Variants in BPIFB3 observed in about 807,000 individuals in gnomAD.
The protein encoded by BPIFB3 is BPI fold containing family B member 3.
Under a neutral mutation model 53.1 loss-of-function variants are expected in BPIFB3, and 49 were observed. The ratio of observed to expected loss-of-function variants is 0.92; its 90% CI spans 0.73 to 1.17. BPIFB3 has a LOEUF of 1.17. Ranked by LOEUF, BPIFB3 falls within the 50% of genes most tolerant of loss-of-function variation. BPIFB3 has a pLI of 0.00. For missense variants in BPIFB3, 628 were observed against 592.5 expected, an observed-to-expected ratio of 1.06 and a Z score of -0.62; for synonymous variants, 271 against 269.6, an observed-to-expected ratio of 1.01 and a Z score of -0.05.
chr20:33,065,316 T>C (rs1201968607), intron 8 of BPIFB3, among the ~76,000 whole-genome samples: 4 of 151,984 alleles, frequency 2.6e-5, no homozygotes, highest in Non-Finnish European at 5.9e-5. Flanking sequence ...TGTGGGAGGA[T>C]CTCTTGAGCC....
intron 8 of BPIFB3, 26 bp downstream of exon 9, chr20:33,064,871 G>C: frequency 6.2e-7 from 1 of 1,603,288 alleles, no homozygotes; most frequent in East Asian, 2.2e-5. Flanking sequence ...GGGGGATGGG[G>C]ATGGGGGCTC....
downstream of BPIFB3, chr20:33,073,668 C>T: frequency 6.3e-7 from 1 of 1,577,530 alleles, no homozygotes; most frequent in Non-Finnish European, 8.7e-7. Context: ...TACTCTGCCT[C>T]AATTTCCCTC....
At chr20:33,065,578 A>T (rs373446080) in intron 8 of BPIFB3, among the ~76,000 whole-genome samples, 2 of 149,954 alleles carry the variant, frequency 1.3e-5, no homozygotes, top group African/African-American at 5.0e-5. Flanking sequence ...AAAGAGAGAG[A>T]AAAGAAGGAA....
exon 2 of BPIFB3, chr20:33,056,630 A>T: frequency 6.2e-7 from 1 of 1,613,556 alleles, no homozygotes; most frequent in Admixed American, 1.7e-5. Flanking sequence ...TGGGCTCAGG[A>T]GGGCTGCTTG....
At chr20:33,063,499 G>T (rs1036323824) in intron 5 of BPIFB3, 116 bp from the exon 7 acceptor site, 3 of 1,118,196 alleles carry the variant, frequency 2.7e-6, no homozygotes, top group East Asian at 2.5e-5. Flanking sequence ...TCTGCCTTCC[G>T]CCTTGCCTTG....
intron 5 of BPIFB3, among the ~76,000 whole-genome samples, chr20:33,062,338 G>A (rs1011162639): frequency 5.3e-5 from 8 of 152,154 alleles, no homozygotes; most frequent in Non-Finnish European, 7.3e-5. Flanking sequence ...CCATATCACC[G>A]AGGAAGAGGG....
At chr20:33,066,789 G>A in intron 8 of BPIFB3, 35 bp from the exon 10 acceptor site, 1 of 1,604,928 alleles carries the variant, frequency 6.2e-7, no homozygotes, top group Non-Finnish European at 8.5e-7. Flanking sequence ...TTCTGTCTCT[G>A]TGCTCACCAA....
At chr20:33,058,825 C>G (rs996013513) in intron 2 of BPIFB3, among the ~76,000 whole-genome samples, 19 of 151,702 alleles carry the variant, frequency 1.3e-4, no homozygotes, top group Non-Finnish European at 2.1e-4. Flanking sequence ...GAGGAGTGCA[C>G]GTGAACTGGG....
chr20:33,071,225 GC>G (rs1555881788), intron 11 of BPIFB3, 27 bp from the exon 13 acceptor site: 1 of 1,193,730 alleles, frequency 8.4e-7, no homozygotes. Flanking sequence ...GGTAGCGGGG[GC>G]CCCAGCATCT....
At position 33,067,984 on chromosome 20, in the gene BPIFB3, A is replaced by T. The variant is rs117013996; in HGVS notation, c.979-819A>T. Among the ~76,000 whole-genome samples the T allele has an allele frequency of 5.3e-4, 80 of 152,234 alleles. No individual in the cohort carries two copies. In the East Asian group the frequency reaches 0.014, roughly 26 times the overall value. On this transcript the variant is annotated intron_variant, in intron 9 of 14. Transcript: ENST00000375494. ...TGTTCCAAGCTTCTGTGGTTCTGTA[A>T]TTTCCTTAGTCTCATGACGTTGCAA...
At chr20:33,064,688 G>C in exon 8 of BPIFB3, 1 of 1,613,998 alleles carries the variant, frequency 6.2e-7, no homozygotes, top group Non-Finnish European at 8.5e-7. Flanking sequence ...AGTGTAGCTG[G>C]TGATATCATT....
Position 33,064,439 on chromosome 20 carries a change from C to T in BPIFB3, c.653-18C>T. On this transcript the variant is annotated intron_variant, in intron 6 of 14. Transcript: ENST00000375494. ...ACTGGGCTTATAGGGTCGTTCTCGC[C>T]CCCACTTTCCCACGCAGGCCTGGTG... 1 of 1,609,338 alleles carries T rather than the reference C, an allele frequency of 6.2e-7. No homozygotes were observed. Among genetic ancestry groups the T allele is most frequent in the South Asian group, 1.1e-5 (1 of 90,926 alleles).
At chr20:33,055,474 G>T (rs1199723822) in exon 1 of BPIFB3, 1 of 1,613,642 alleles carries the variant, frequency 6.2e-7, no homozygotes, top group Non-Finnish European at 8.5e-7. Context: ...TCTGGGGCCT[G>T]GCGACTCCAT....
chr20:33,061,657 C>T (rs1980462475), intron 4 of BPIFB3, 111 bp from the exon 6 acceptor site: 1 of 1,081,330 alleles, frequency 9.2e-7, no homozygotes, highest in Non-Finnish European at 1.4e-6. Context: ...AACACCACCC[C>T]CAAGAGAAGG....
exon 14 of BPIFB3, chr20:33,072,774 C>T (rs928759517): frequency 1.4e-5 from 22 of 1,613,342 alleles, no homozygotes; most frequent in African/African-American, 9.3e-5. Flanking sequence ...TTTTCCAATT[C>T]AGTTCTGGAG....
At chr20:33,069,929 G>A (rs1487985178) in exon 11 of BPIFB3, 12 of 1,614,198 alleles carry the variant, frequency 7.4e-6, no homozygotes, top group Non-Finnish European at 1.0e-5. Context: ...CGGCTACCAA[G>A]CTGCACATCT....
upstream of BPIFB3, among the ~76,000 whole-genome samples, chr20:33,054,037 C>T (rs145014092): frequency 9.4e-3 from 1,433 of 152,266 alleles, 20 homozygotes; most frequent in African/African-American, 0.03. Flanking sequence ...TCTGCCCTCC[C>T]ATATGAATGA....
At chr20:33,058,150 G>A (rs1040031124) in intron 2 of BPIFB3, among the ~76,000 whole-genome samples, 3 of 152,194 alleles carry the variant, frequency 2.0e-5, no homozygotes, top group African/African-American at 4.8e-5. Context: ...ATTAGGGGAA[G>A]GTCAAACAAC....
intron 2 of BPIFB3, among the ~76,000 whole-genome samples, chr20:33,057,314 G>A (rs1473844094): frequency 6.6e-6 from 1 of 151,942 alleles, no homozygotes; most frequent in Non-Finnish European, 1.5e-5. Context: ...TCAGCCTCCC[G>A]AGTAGCTGGG....
Sources: gnomAD v4.1 joint callset for allele counts (sites outside exome capture counted in the v4.1 genomes callset) on GRCh38, gnomAD v4.1.1 for gene constraint, MANE v1.5 for transcripts, NCBI Gene and HGNC (gene_info 2026-07-23, HGNC 2026-07-21) for gene names.